The following NAV2 variants were observed in gnomAD, a reference collection of about 807,000 sequenced individuals.
NAV2 encodes helicase, APC down-regulated 1.
In NAV2, 54 loss-of-function variants were observed where a neutral mutation model predicts 223.2. The observed-to-expected ratio is 0.24, with a 90% CI of 0.19 to 0.30. The LOEUF (loss-of-function observed/expected upper bound fraction) is 0.30. NAV2 is among the 10% of genes least tolerant of loss of function. The probability of loss-of-function intolerance (pLI) is 1.00; values close to 1 mark genes in which losing one functional copy is unlikely to be tolerated. For missense variants in NAV2, 2,806 were observed against 3,147.5 expected (o/e 0.89, Z 2.60); for synonymous variants, 1,279 against 1,239.3 (o/e 1.03, Z -0.67).
chr11:20,089,817 C>T (rs891655395), intron 26 of NAV2, among the ~76,000 whole-genome samples: 3 of 152,124 alleles, frequency 2.0e-5, no homozygotes, highest in Non-Finnish European at 2.9e-5. Context: ...GTTTGAAGAG[C>T]AAACCTAAGT....
At chr11:19,744,762 T>C (rs1190504674) in intron 1 of NAV2, among the ~76,000 whole-genome samples, 1 of 152,202 alleles carries the variant, frequency 6.6e-6, no homozygotes, top group Non-Finnish European at 1.5e-5. Flanking sequence ...AATTTCACCA[T>C]CCTCACCATC....
chr11:19,642,101 AG>A (rs1229123849), intron 1 of NAV2, among the ~76,000 whole-genome samples: 1 of 152,174 alleles, frequency 6.6e-6, no homozygotes, highest in Non-Finnish European at 1.5e-5. Context: ...TGAAAGCCTT[AG>A]ATGAAGACTC....
rs368081808 is a variant in NAV2 at position 19,565,138 on chromosome 11, CT to C, written c.75+214112del. On this transcript the variant is annotated intron_variant, in intron 1 of 37. Transcript: ENST00000360655. ...GACAGAGTGAGACCCTGCCTGCCCC[CT>C]CTCCAGAAAAAGGTAATAATGGCAC... Among the ~76,000 whole-genome samples the C allele has an allele frequency of 4.4e-3, 666 of 152,232 alleles. 10 individuals carry two copies. Among genetic ancestry groups the C allele is most frequent in the African/African-American group, 0.015 (632 of 41,546 alleles).
chr11:19,409,461 C>T (rs1413680492), intron 1 of NAV2, among the ~76,000 whole-genome samples: 1 of 152,202 alleles, frequency 6.6e-6, no homozygotes, highest in Non-Finnish European at 1.5e-5. Context: ...TCTCTCTTCT[C>T]CTTCCATCTC....
Position 19,945,190 on chromosome 11 carries a change from CCCTTCCCTTCCCTTTCTTT to C in NAV2, c.2147-1206_2147-1188del, listed in dbSNP as rs1470140157. ...CCCTTCCCTTCCCTTCCCTTCCCTT[CCCTTCCCTTCCCTTTCTTT>C]CCTTTCCTTCCTTCTTTTCTTTCTT... On this transcript the variant is annotated intron_variant, in intron 8 of 37. Transcript: ENST00000349880. Among the ~76,000 whole-genome samples, 224 of 76,178 alleles carry C rather than the reference CCCTTCCCTTCCCTTTCTTT, an allele frequency of 2.9e-3. 1 individual carries two copies. Among genetic ancestry groups the C allele is most frequent in the African/African-American group, 5.5e-3 (105 of 19,194 alleles). The allele number at this position is 76,178 out of a possible 152,430, so 50.0% of individuals were successfully genotyped here.
chr11:19,601,898 G>A (rs1414655399), intron 1 of NAV2, among the ~76,000 whole-genome samples: 1 of 152,190 alleles, frequency 6.6e-6, no homozygotes, highest in East Asian at 1.9e-4. Flanking sequence ...AATCATCAGG[G>A]CATATGATGT....
intron 3 of NAV2, among the ~76,000 whole-genome samples, chr11:19,855,606 T>C (rs1198089499): frequency 6.6e-6 from 1 of 152,128 alleles, no homozygotes; most frequent in African/African-American, 2.4e-5. Context: ...TGAAGGAATA[T>C]GAAGGCAAGA....
rs550843370 is a variant in NAV2, at chr11:19,783,803, G to T, written c.268-48681G>T. Reference sequence around the variant, plus strand: ...GTTTAGTAAGATACAGGTATTCAGAGCAGCATCCAAGCACATAGTAAATGC... The same window carrying T: ...GTTTAGTAAGATACAGGTATTCAGATCAGCATCCAAGCACATAGTAAATGC... On this transcript the variant is annotated intron_variant, in intron 1 of 37. Coordinates refer to ENST00000349880, the MANE Select transcript of NAV2 (RefSeq NM_145117.5). 3.9e-5 allele frequency among the ~76,000 whole-genome samples: 6 copies of T among 152,234 alleles called. No individual in the cohort carries two copies. The South Asian group carries it at 1.2e-3, about 32-fold the overall frequency.
At chr11:19,859,444 C>T (rs1485614817) in intron 3 of NAV2, among the ~76,000 whole-genome samples, 1 of 147,402 alleles carries the variant, frequency 6.8e-6, no homozygotes, top group Non-Finnish European at 1.5e-5. Context: ...TTTCACAGAG[C>T]ACAGGGTTGG....
At chr11:19,673,992 C>T (rs767576561) in intron 1 of NAV2, among the ~76,000 whole-genome samples, 2 of 152,186 alleles carry the variant, frequency 1.3e-5, no homozygotes, top group Non-Finnish European at 1.5e-5. Context: ...CTGAGCCAGC[C>T]TTTTATGGCC....
intron 1 of NAV2, among the ~76,000 whole-genome samples, chr11:19,736,385 A>C (rs1453350455): frequency 6.6e-6 from 1 of 152,164 alleles, no homozygotes; most frequent in Non-Finnish European, 1.5e-5. Flanking sequence ...GGCCAGACAC[A>C]GGACATGGAT....
intron 1 of NAV2, among the ~76,000 whole-genome samples, chr11:19,414,173 A>G (rs1057249671): frequency 4.6e-5 from 7 of 152,242 alleles, no homozygotes; most frequent in African/African-American, 1.7e-4. Context: ...CAGGAGACCC[A>G]TCTCACATAC....
At position 19,375,518 on chromosome 11, in the gene NAV2, A is replaced by G. The variant is rs564438051; in HGVS notation, c.75+24491A>G. On this transcript the variant is annotated intron_variant, in intron 1 of 37. Transcript: ENST00000360655. ...CTCAGCTCTTGCTCTACATCAGTCT[A>G]AATTTACTGGTCTCCCAGCCTCTCC... is the stretch of plus-strand genomic sequence containing the variant. 3.3e-5 allele frequency among the ~76,000 whole-genome samples: 5 copies of G among 152,302 alleles called. No homozygotes were observed. The South Asian group carries it at 1.0e-3, about 32-fold the overall frequency.
chr11:19,984,040 C>A, intron 10 of NAV2, 85 bp from the exon 11 acceptor site: 1 of 1,575,472 alleles, frequency 6.3e-7, no homozygotes, highest in Non-Finnish European at 8.7e-7. Flanking sequence ...CACTTGGCGG[C>A]TGTACAGGCT....
intron 1 of NAV2, among the ~76,000 whole-genome samples, chr11:19,827,597 C>T (rs1740259857): frequency 6.6e-6 from 1 of 152,234 alleles, no homozygotes; most frequent in South Asian, 2.1e-4. Flanking sequence ...CCAAAGGCTG[C>T]ATTCTTCCAC....
intron 1 of NAV2, among the ~76,000 whole-genome samples, chr11:19,789,266 A>G (rs2057358214): frequency 6.6e-6 from 1 of 152,222 alleles, no homozygotes; most frequent in Non-Finnish European, 1.5e-5. Flanking sequence ...CCAAGAAATC[A>G]CTGTTGAATA....
intron 6 of NAV2, among the ~76,000 whole-genome samples, chr11:19,915,794 G>T (rs1275022182): frequency 6.6e-6 from 1 of 152,212 alleles, no homozygotes; most frequent in Non-Finnish European, 1.5e-5. Flanking sequence ...GTCAGGGACT[G>T]AGCCTCATTT....
intron 1 of NAV2, among the ~76,000 whole-genome samples, chr11:19,634,141 C>T (rs780628935): frequency 2.6e-5 from 4 of 152,200 alleles, no homozygotes; most frequent in Non-Finnish European, 5.9e-5. Flanking sequence ...AGCAGGTTTG[C>T]TGCATAGGTT....
intron 3 of NAV2, among the ~76,000 whole-genome samples, chr11:19,868,272 T>C (rs1009657127): frequency 3.9e-5 from 6 of 152,182 alleles, no homozygotes; most frequent in Non-Finnish European, 8.8e-5. Context: ...TGAAGTAAAA[T>C]TAGCTTCTTG....
Sources: allele counts gnomAD v4.1 joint callset (sites outside exome capture counted in the v4.1 genomes callset), GRCh38; gene constraint gnomAD v4.1.1; transcripts MANE v1.5; gene names NCBI Gene and HGNC (gene_info 2026-07-23, HGNC 2026-07-21).